The following TBRG1 variants were observed in gnomAD, a reference collection of about 807,000 sequenced individuals.
TBRG1 encodes nuclear interactor of ARF and MDM2.
In TBRG1, 31 loss-of-function variants were observed where a neutral mutation model predicts 44.0. That is an observed-to-expected ratio of 0.70 (90% CI 0.53 to 0.95). The LOEUF is 0.95. Among genes scored for constraint, TBRG1 ranks in the 40% least tolerant of loss-of-function variants. TBRG1 has a pLI of 0.00. For synonymous variants in TBRG1, 171 were observed against 188.1 expected (o/e 0.91, Z 0.74); for missense variants, 487 against 496.1 (o/e 0.98, Z 0.18).
In TBRG1 at chr11:124,630,363, C is replaced by A. The variant is rs756547131; in HGVS notation, c.739-25C>A. ...CTCTCCTTCCTTCTTGAGGATTGAT[C>A]TCATTGCTCGTTTGTCTTTCTCAGT... On this transcript the variant is annotated intron_variant, in intron 5 of 8. Coordinates refer to ENST00000441174, the MANE Select transcript of TBRG1 (RefSeq NM_032811.3). 4.8e-6 allele frequency: 7 copies of A among 1,463,070 alleles called. No individual in the cohort carries two copies. In the South Asian group the frequency reaches 8.0e-5, roughly 17 times the overall value. The allele number at this position is 1,463,070 out of a possible 1,614,324, so 90.6% of individuals were successfully genotyped here.
intron 5 of TBRG1, among the ~76,000 whole-genome samples, chr11:124,628,653 T>G (rs1236186494): frequency 6.6e-6 from 1 of 151,902 alleles, no homozygotes; most frequent in Non-Finnish European, 1.5e-5. Context: ...TAGGCACATA[T>G]CAGAGGGATT....
Position 124,624,963 on chromosome 11 carries a change from T to C in TBRG1, c.183T>C (p.Arg61=), listed in dbSNP as rs1296691310. ...CTGCTATTTGTGATGAAATTGCTCG[T>C]CTTGAGGAAAAATTTCTTAAAGCAA... The part of the protein sequence containing the change: ...ENAAICDEIA[R]LEEKFLKAKE... Residue 61 remains arginine, a synonymous_variant, in exon 2 of 9, where the codon CGT becomes CGC. Transcript: ENST00000441174. 6.5e-7 allele frequency: 1 copy of C among 1,549,686 alleles called. No individual in the cohort carries two copies. The highest frequency in any genetic ancestry group is 8.7e-7 in the Non-Finnish European group (1 of 1,145,836).
At chr11:124,624,377 AAAAAAAG>A (rs1942409948) in intron 1 of TBRG1, among the ~76,000 whole-genome samples, 3 of 148,460 alleles carry the variant, frequency 2.0e-5, no homozygotes, top group Admixed American at 1.3e-4. Context: ...AAAAAAAAAA[AAAAAAAG>A]AAAAAAGATA....
Position 124,623,623 on chromosome 11 carries a change from A to C in TBRG1, c.150+390A>C, listed in dbSNP as rs562507122. ...GAAGCCCAGAGAGATGATTTGCCCA[A>C]GGGTACTGTGTCAGAGCCCTGACTC... On this transcript the variant is annotated intron_variant, in intron 1 of 8. Transcript: ENST00000441174. Among the ~76,000 whole-genome samples, 3 of 152,328 alleles carry C rather than the reference A, an allele frequency of 2.0e-5. No individual in the cohort carries two copies. In the South Asian group the frequency reaches 6.2e-4, roughly 32 times the overall value.
intron 3 of TBRG1, 66 bp downstream of exon 3, chr11:124,625,969 C>A (rs1380355657): frequency 2.0e-6 from 3 of 1,469,078 alleles, no homozygotes; most frequent in African/African-American, 1.4e-5. Context: ...AGACCTGGTA[C>A]TAACTGACAG....
rs778759506 is a variant in TBRG1, at chr11:124,631,345, G to A, written c.1018G>A (p.Asp340Asn). ...GCTACCTGAGGGGCTGCCGGAGAAT[G>A]ATGCAGCTATGAGCTTTGAAGCCTT... The part of the protein sequence containing the change: ...GQLPEGLPEN[D>N]AAMSFEAFQR... The change falls in exon 8 of 9, where the codon GAT becomes AAT. Residue 340 changes from aspartate to asparagine, a missense_variant. Transcript: ENST00000441174. The A allele has an allele frequency of 7.7e-5, 125 of 1,613,522 alleles. No individual in the cohort carries two copies. Among genetic ancestry groups the A allele is most frequent in the Non-Finnish European group, 9.9e-5 (117 of 1,179,674 alleles).
At position 124,635,514 on chromosome 11, in the gene TBRG1, A is replaced by AAAG. The variant is rs1438348164; in HGVS notation, c.*3277_*3279dup. ...TATAAATTTCATTTTCACACAGTAA[A>AAAG]AAGTTCCTAAATTGGGGGAAACATA... On this transcript the variant is annotated 3_prime_UTR_variant, in exon 9 of 9. Transcript: ENST00000441174. 2 of 152,224 alleles carry AAAG rather than the reference A, an allele frequency of 1.3e-5. No homozygotes were observed. The highest frequency in any genetic ancestry group is 3.8e-4 in the East Asian group (2 of 5,204). The allele number at this position is 152,224 out of a possible 1,614,324, so 9.4% of individuals were successfully genotyped here. A position where few individuals can be genotyped will look rare whatever the true frequency, so the allele number is the denominator to read the frequency against.
At chr11:124,631,956 A>G (rs1942623515) in intron 8 of TBRG1, 137 bp from the exon 9 acceptor site, 3 of 720,802 alleles carry the variant, frequency 4.2e-6, no homozygotes, top group African/African-American at 3.5e-5. Context: ...TATCTGTCCT[A>G]TCTTAACAAA....
In TBRG1 at chr11:124,633,819, C is replaced by T. The variant is rs1942661987; in HGVS notation, c.*1581C>T. 6.6e-6 allele frequency: 1 copy of T among 152,156 alleles called. No homozygotes were observed. The highest frequency in any genetic ancestry group is 2.4e-5 in the African/African-American group (1 of 41,438). 9.4% of individuals were successfully genotyped at this position (152,156 alleles called of 1,614,324 possible). Reference sequence around the variant, plus strand: ...ATTTACACAGAAATGATATATGCTGCTTTTATCATATAACAAATATTTTCC... The same window carrying T: ...ATTTACACAGAAATGATATATGCTGTTTTTATCATATAACAAATATTTTCC... On this transcript the variant is annotated 3_prime_UTR_variant, in exon 9 of 9. Coordinates refer to ENST00000441174, the MANE Select transcript of TBRG1 (RefSeq NM_032811.3).
Position 124,631,404 on chromosome 11 carries a change from T to A in TBRG1, c.1077T>A (p.Asp359Glu), listed in dbSNP as rs1313105825. The A allele has an allele frequency of 1.2e-6, 2 of 1,614,014 alleles. No homozygotes were observed. Among genetic ancestry groups the A allele is most frequent in the Non-Finnish European group, 1.7e-6 (2 of 1,179,886 alleles). Residue 359 changes from aspartate (D) to glutamate (E), a missense_variant, in exon 8 of 9, where the codon GAT (aspartate) becomes GAA (glutamate). Coordinates refer to ENST00000441174, the MANE Select transcript of TBRG1 (RefSeq NM_032811.3). ...AGATCTTTGATGAAGATCAGAATGA[T>A]CCCCTTCTGCCAGGTATCTTTAACT... Reference protein sequence around the residue: ...QRQIFDEDQNDPLLPGSLDLP... With the variant: ...QRQIFDEDQNEPLLPGSLDLP...
intron 1 of TBRG1, chr11:124,623,585 A>C: frequency 2.7e-6 from 1 of 370,902 alleles, no homozygotes; most frequent in Non-Finnish European, 5.2e-6. Context: ...ATTATTTGTA[A>C]AATGAGAACA....
chr11:124,626,178 C>T (rs1942463836), intron 3 of TBRG1, among the ~76,000 whole-genome samples: 1 of 152,164 alleles, frequency 6.6e-6, no homozygotes, highest in Non-Finnish European at 1.5e-5. Context: ...TTAGTCTTTC[C>T]TAGAGGCAGG....
intron 5 of TBRG1, among the ~76,000 whole-genome samples, chr11:124,629,585 C>G (rs1942565129): frequency 2.0e-5 from 3 of 152,132 alleles, no homozygotes; most frequent in African/African-American, 7.2e-5. Flanking sequence ...AGAAAACTAA[C>G]AGTAGTGGAA....
intron 2 of TBRG1, 138 bp from the exon 3 acceptor site, chr11:124,625,533 A>G: frequency 1.4e-6 from 1 of 722,838 alleles, no homozygotes; most frequent in South Asian, 2.0e-5. Flanking sequence ...TATGATTCAT[A>G]GGGCCTAATA....
chr11:124,624,752 C>T (rs1157967397), intron 1 of TBRG1, among the ~76,000 whole-genome samples, 179 bp from the exon 2 acceptor site: 1 of 152,170 alleles, frequency 6.6e-6, no homozygotes, highest in African/African-American at 2.4e-5. Context: ...ATACCCTGTC[C>T]ATAGTAGAAC....
chr11:124,625,109 G>A (rs537793819), intron 2 of TBRG1, 108 bp downstream of exon 2: 283 of 741,662 alleles, frequency 3.8e-4, no homozygotes, highest in Admixed American at 7.0e-4. Context: ...GGATTGATGC[G>A]TATCGCACAG....
At position 124,623,030 on chromosome 11, in the gene TBRG1, G is replaced by A. The variant is rs1664523847; in HGVS notation, c.-54G>A. ...AAGCCAGCGCTCCCGCCCGCTCCCC[G>A]ACTTAGGATCCGATGCCGGCAGCGT... is the stretch of plus-strand genomic sequence containing the variant. On this transcript the variant is annotated 5_prime_UTR_variant, in exon 1 of 9. Coordinates refer to ENST00000441174, the MANE Select transcript of TBRG1 (RefSeq NM_032811.3). 1.3e-6 allele frequency: 2 copies of A among 1,481,754 alleles called. No individual in the cohort carries two copies. The highest frequency in any genetic ancestry group is 8.9e-7 in the Non-Finnish European group (1 of 1,118,618). 91.8% of individuals were successfully genotyped at this position (1,481,754 alleles called of 1,614,324 possible).
Position 124,627,026 on chromosome 11 carries a change from C to G in TBRG1, c.714C>G (p.Ile238Met). Residue 238 changes from isoleucine (I) to methionine (M), a missense_variant, in exon 5 of 9, where the codon ATC becomes ATG. Coordinates refer to ENST00000441174, the MANE Select transcript of TBRG1 (RefSeq NM_032811.3). ...AGAAGTGTCTATATACCTGTCAGAT[C>G]AAGGATGGTGGTGTGCAGCCTCAGG... ...PDQKCLYTCQIKDGGVQPQFE... is the reference protein window; with the variant it reads ...PDQKCLYTCQMKDGGVQPQFE... 6.4e-7 allele frequency: 1 copy of G among 1,555,254 alleles called. No individual in the cohort carries two copies. The highest frequency in any genetic ancestry group is 2.4e-5 in the East Asian group (1 of 41,414).
At chr11:124,624,468 T>A (rs1942412268) in intron 1 of TBRG1, among the ~76,000 whole-genome samples, 3 of 152,132 alleles carry the variant, frequency 2.0e-5, no homozygotes, top group Admixed American at 2.0e-4. Context: ...TTCTGTCCAG[T>A]TTTTCTCTAT....
Sources: gnomAD v4.1 joint callset for allele counts (sites outside exome capture counted in the v4.1 genomes callset) on GRCh38, gnomAD v4.1.1 for gene constraint, MANE v1.5 for transcripts, NCBI Gene and HGNC (gene_info 2026-07-23, HGNC 2026-07-21) for gene names.